The following ZNF804A variants were observed in gnomAD, a reference collection of about 807,000 sequenced individuals.
The protein encoded by ZNF804A is zinc finger protein 804A.
ZNF804A carries 2 observed loss-of-function variants against 16.5 expected under a neutral mutation model. The observed-to-expected ratio is 0.12, with a 90% CI of 0.05 to 0.38. ZNF804A has a LOEUF of 0.38. ZNF804A is among the 10% of genes least tolerant of loss of function. The pLI is 0.99. For missense variants in ZNF804A, 1,473 were observed against 1,390.7 expected (o/e 1.06, Z -0.94); for synonymous variants, 534 against 489.6 (o/e 1.09, Z -1.20).
intron 1 of ZNF804A, among the ~76,000 whole-genome samples, chr2:184,766,979 C>G (rs1271298851): frequency 6.6e-6 from 1 of 152,068 alleles, no homozygotes; most frequent in Non-Finnish European, 1.5e-5. Flanking sequence ...AACAGCAGGA[C>G]ATACCAGAGG....
intron 1 of ZNF804A, among the ~76,000 whole-genome samples, chr2:184,639,625 G>T (rs938773965): frequency 1.3e-5 from 2 of 152,096 alleles, no homozygotes; most frequent in African/African-American, 4.8e-5. Context: ...ATAACAAAAG[G>T]TTGTCATGAT....
chr2:184,725,268 T>G (rs1458591534), intron 1 of ZNF804A, among the ~76,000 whole-genome samples: 1 of 151,738 alleles, frequency 6.6e-6, no homozygotes, highest in East Asian at 1.9e-4. Flanking sequence ...AGTTGATTAT[T>G]TTTTAATATA....
rs188111243 is a variant in ZNF804A, at chr2:184,925,922, T to G, written c.256-7681T>G. ...AATCTTATCTATATCTTTTTTATTC[T>G]TTTCTTTTTGGAGATGGAGTCTCGC... is the stretch of plus-strand genomic sequence containing the variant. On this transcript the variant is annotated intron_variant, in intron 2 of 3. Coordinates refer to ENST00000302277, the MANE Select transcript of ZNF804A (RefSeq NM_194250.2). 3.3e-5 allele frequency among the ~76,000 whole-genome samples: 5 copies of G among 152,170 alleles called. No homozygotes were observed. In the East Asian group the frequency reaches 9.6e-4, roughly 29 times the overall value.
intron 1 of ZNF804A, among the ~76,000 whole-genome samples, chr2:184,654,399 G>A (rs1650160141): frequency 6.6e-6 from 1 of 152,144 alleles, no homozygotes. Flanking sequence ...AATTGGGAAG[G>A]TGGCTGTCAT....
intron 2 of ZNF804A, among the ~76,000 whole-genome samples, chr2:184,879,689 T>G (rs1032447457): frequency 2.6e-5 from 4 of 151,994 alleles, no homozygotes; most frequent in Admixed American, 2.6e-4. Flanking sequence ...AGAAAATAAT[T>G]TTTTGGTACT....
At chr2:184,702,359 G>A (rs923451350) in intron 1 of ZNF804A, among the ~76,000 whole-genome samples, 1 of 152,156 alleles carries the variant, frequency 6.6e-6, no homozygotes, top group Admixed American at 6.5e-5. Context: ...TAGAAGTTAT[G>A]TGCATTTCAT....
chr2:184,718,423 A>G (rs1285893601), intron 1 of ZNF804A, among the ~76,000 whole-genome samples: 1 of 152,076 alleles, frequency 6.6e-6, no homozygotes, highest in African/African-American at 2.4e-5. Flanking sequence ...TCCCCCAAAG[A>G]TTTAACTCAT....
At chr2:184,638,878 GC>G (rs1211528360) in intron 1 of ZNF804A, among the ~76,000 whole-genome samples, 2 of 151,974 alleles carry the variant, frequency 1.3e-5, no homozygotes, top group Non-Finnish European at 2.9e-5. Flanking sequence ...TCTTCATGAG[GC>G]CTCCATTCCC....
intron 1 of ZNF804A, among the ~76,000 whole-genome samples, chr2:184,746,210 G>A (rs2105755549): frequency 6.6e-6 from 1 of 151,428 alleles, no homozygotes; most frequent in African/African-American, 2.4e-5. Context: ...TACTCTTCTA[G>A]CTACTTTGAA....
At chr2:184,929,536 AC>A (rs1388581702) in intron 2 of ZNF804A, among the ~76,000 whole-genome samples, 2 of 152,030 alleles carry the variant, frequency 1.3e-5, no homozygotes, top group African/African-American at 4.8e-5. Context: ...TAACTTTTAT[AC>A]TAAAGATTTT....
chr2:184,839,146 C>A (rs1294284154), intron 1 of ZNF804A, among the ~76,000 whole-genome samples: 2 of 152,034 alleles, frequency 1.3e-5, no homozygotes, highest in Non-Finnish European at 2.9e-5. Flanking sequence ...GTAAACCTAA[C>A]CTAAACTGCC....
At chr2:184,918,727 AC>A (rs1238082088) in intron 2 of ZNF804A, among the ~76,000 whole-genome samples, 1 of 152,182 alleles carries the variant, frequency 6.6e-6, no homozygotes, top group Non-Finnish European at 1.5e-5. Context: ...TTGCACATAT[AC>A]AAAGGTTTAT....
At chr2:184,681,831 C>T (rs1183555422) in intron 1 of ZNF804A, among the ~76,000 whole-genome samples, 1 of 152,240 alleles carries the variant, frequency 6.6e-6, no homozygotes, top group African/African-American at 2.4e-5. Flanking sequence ...GCTCTGGACC[C>T]AGGCATCCCT....
chr2:184,701,080 T>A (rs1692911786), intron 1 of ZNF804A, among the ~76,000 whole-genome samples: 1 of 151,978 alleles, frequency 6.6e-6, no homozygotes. Flanking sequence ...CATAAATATG[T>A]AAAATTATTA....
At chr2:184,933,472 T>C (rs2105842475) in intron 2 of ZNF804A, 131 bp from the exon 3 acceptor site, 1 of 783,910 alleles carries the variant, frequency 1.3e-6, no homozygotes. Flanking sequence ...AAGTGGATTG[T>C]CATGAATGTT....
intron 1 of ZNF804A, among the ~76,000 whole-genome samples, chr2:184,818,351 C>G (rs1214678061): frequency 7.2e-5 from 11 of 151,866 alleles, no homozygotes; most frequent in Admixed American, 7.2e-4. Flanking sequence ...TACAGACAAA[C>G]AAATGCTGAG....
chr2:184,754,942 G>A (rs1020300519), intron 1 of ZNF804A, among the ~76,000 whole-genome samples: 4 of 151,760 alleles, frequency 2.6e-5, no homozygotes, highest in Admixed American at 2.0e-4. Context: ...ATCAGATCTC[G>A]TGAGAAGTCA....
intron 1 of ZNF804A, among the ~76,000 whole-genome samples, chr2:184,705,144 TAGG>T (rs914169352): frequency 1.3e-5 from 2 of 152,104 alleles, no homozygotes; most frequent in Non-Finnish European, 2.9e-5. Flanking sequence ...AGGAAATATG[TAGG>T]AGATTTCTGA....
chr2:184,868,700 T>C (rs1022318471), intron 2 of ZNF804A, among the ~76,000 whole-genome samples: 8 of 151,980 alleles, frequency 5.3e-5, no homozygotes, highest in Admixed American at 5.2e-4. Context: ...TTTTGATTCC[T>C]AATGACCTTC....
Sources: gnomAD v4.1 joint callset for allele counts (sites outside exome capture counted in the v4.1 genomes callset) on GRCh38, gnomAD v4.1.1 for gene constraint, MANE v1.5 for transcripts, NCBI Gene and HGNC (gene_info 2026-07-23, HGNC 2026-07-21) for gene names.